The following CADM1 variants were observed in gnomAD, a reference collection of about 807,000 sequenced individuals.
CADM1 encodes cell adhesion molecule 1, also known as TSLC-1.
Under a neutral mutation model 53.1 loss-of-function variants are expected in CADM1, and 15 were observed. That is an observed-to-expected ratio of 0.28 (90% CI 0.19 to 0.44). The LOEUF (loss-of-function observed/expected upper bound fraction) is 0.44. CADM1 is among the 20% of genes least tolerant of loss of function. The probability of loss-of-function intolerance (pLI) is 1.00; values close to 1 mark genes in which losing one functional copy is unlikely to be tolerated. For missense variants in CADM1, 434 were observed against 611.3 expected, an observed-to-expected ratio of 0.71 and a Z score of 3.06; for synonymous variants, 281 against 243.0, an observed-to-expected ratio of 1.16 and a Z score of -1.45.
At chr11:115,362,323 A>G (rs1946050409) in intron 1 of CADM1, among the ~76,000 whole-genome samples, 1 of 152,190 alleles carries the variant, frequency 6.6e-6, no homozygotes, top group African/African-American at 2.4e-5. Context: ...AGTTAACCAG[A>G]TTGGCCATTT....
chr11:115,274,639 T>C (rs1943394139), intron 1 of CADM1, among the ~76,000 whole-genome samples: 3 of 152,218 alleles, frequency 2.0e-5, no homozygotes, highest in Admixed American at 2.0e-4. Flanking sequence ...AAATAATCAC[T>C]AGCTCTTGAA....
At chr11:115,486,234 A>T (rs936394247) in intron 1 of CADM1, among the ~76,000 whole-genome samples, 2 of 152,242 alleles carry the variant, frequency 1.3e-5, no homozygotes, top group Non-Finnish European at 2.9e-5. Context: ...TGTAGGACTC[A>T]TGAACCTCTC....
At chr11:115,361,218 A>T (rs1946021248) in intron 1 of CADM1, among the ~76,000 whole-genome samples, 2 of 152,170 alleles carry the variant, frequency 1.3e-5, no homozygotes, top group Admixed American at 1.3e-4. Context: ...TGTCTGTGAA[A>T]TCTCATTAGC....
chr11:115,317,098 C>T (rs1323257070), intron 1 of CADM1, among the ~76,000 whole-genome samples: 1 of 152,174 alleles, frequency 6.6e-6, no homozygotes, highest in Non-Finnish European at 1.5e-5. Context: ...AACGGCTCCT[C>T]AACCTTCAAT....
At chr11:115,206,488 C>T (rs1178699892) in intron 8 of CADM1, among the ~76,000 whole-genome samples, 1 of 152,162 alleles carries the variant, frequency 6.6e-6, no homozygotes, top group African/African-American at 2.4e-5. Context: ...GAAGCTTTAA[C>T]ATGTTTCAAG....
intron 1 of CADM1, among the ~76,000 whole-genome samples, chr11:115,265,917 G>A (rs1943120510): frequency 6.6e-6 from 1 of 152,152 alleles, no homozygotes; most frequent in African/African-American, 2.4e-5. Context: ...AGTCCCCAGT[G>A]GTCATTCCTG....
intron 1 of CADM1, among the ~76,000 whole-genome samples, chr11:115,454,060 T>TAAAAC (rs528911744): frequency 6.8e-6 from 1 of 146,780 alleles, no homozygotes; most frequent in Non-Finnish European, 1.5e-5. Flanking sequence ...AAAAAAAAAA[T>TAAAAC]AAAACAAAAC....
rs182911154 is a variant in CADM1, at chr11:115,401,323, G to C, written c.124+102948C>G. On this transcript the variant is annotated intron_variant, in intron 1 of 11. Coordinates refer to ENST00000331581, the MANE Select transcript of CADM1 (RefSeq NM_001301043.2). ...CTACAGAGACAGTAAAAAGATCAGG[G>C]GTTGGCCAGGCGCGGTGGCCCACGC... Among the ~76,000 whole-genome samples the C allele has an allele frequency of 5.9e-5, 9 of 152,272 alleles. No homozygotes were observed. The East Asian group carries it at 1.7e-3, about 29-fold the overall frequency.
intron 1 of CADM1, among the ~76,000 whole-genome samples, chr11:115,503,364 C>T (rs1434687779): frequency 6.6e-6 from 1 of 152,226 alleles, no homozygotes; most frequent in African/African-American, 2.4e-5. Flanking sequence ...CAAGACTGCT[C>T]TTCACGCAGG....
chr11:115,198,510 G>A, intron 8 of CADM1, 72 bp from the exon 9 acceptor site: 1 of 1,141,768 alleles, frequency 8.8e-7, no homozygotes, highest in South Asian at 1.3e-5. Flanking sequence ...AGGGAAAATG[G>A]AAAAAAAATG....
At chr11:115,197,909 C>G (rs78421724) in intron 9 of CADM1, among the ~76,000 whole-genome samples, 1 of 152,132 alleles carries the variant, frequency 6.6e-6, no homozygotes, top group Non-Finnish European at 1.5e-5. Flanking sequence ...AGAACAATGA[C>G]CTTCCTCATC....
intron 1 of CADM1, among the ~76,000 whole-genome samples, chr11:115,451,463 C>T (rs1039662159): frequency 6.6e-6 from 1 of 152,170 alleles, no homozygotes; most frequent in African/African-American, 2.4e-5. Context: ...TTGCTGAGGG[C>T]TCACAAAGTA....
intron 7 of CADM1, among the ~76,000 whole-genome samples, chr11:115,211,694 T>C (rs1940973543): frequency 6.6e-6 from 1 of 151,496 alleles, no homozygotes; most frequent in Admixed American, 6.6e-5. Flanking sequence ...TTTCACCATA[T>C]TGGCCAGGCT....
intron 1 of CADM1, among the ~76,000 whole-genome samples, chr11:115,373,636 A>G (rs963553050): frequency 6.6e-6 from 1 of 151,226 alleles, no homozygotes; most frequent in Non-Finnish European, 1.5e-5. Context: ...AAGAATGTGG[A>G]CAATCAACAA....
intron 1 of CADM1, among the ~76,000 whole-genome samples, chr11:115,259,751 T>C (rs974105761): frequency 3.9e-5 from 6 of 152,160 alleles, no homozygotes; most frequent in Non-Finnish European, 8.8e-5. Flanking sequence ...CTCCAAACAC[T>C]GTCCAAGCAG....
chr11:115,177,941 TGA>T (rs1443422030), intron 11 of CADM1, among the ~76,000 whole-genome samples: 5 of 151,750 alleles, frequency 3.3e-5, no homozygotes, highest in African/African-American at 9.7e-5. Flanking sequence ...GAAAAATAAC[TGA>T]GAGAGACAGG....
At chr11:115,454,009 G>A (rs1184891484) in intron 1 of CADM1, among the ~76,000 whole-genome samples, 1 of 150,094 alleles carries the variant, frequency 6.7e-6, no homozygotes, top group Non-Finnish European at 1.5e-5. Context: ...AGAGATGAAA[G>A]AGAAGTTCAT....
chr11:115,404,920 G>A (rs1000419084), intron 1 of CADM1, among the ~76,000 whole-genome samples: 1 of 151,268 alleles, frequency 6.6e-6, no homozygotes, highest in Non-Finnish European at 1.5e-5. Context: ...TTAGGAAACT[G>A]AGAGAAGAGA....
intron 1 of CADM1, among the ~76,000 whole-genome samples, chr11:115,248,597 A>C (rs1411958986): frequency 6.6e-6 from 1 of 152,216 alleles, no homozygotes; most frequent in Non-Finnish European, 1.5e-5. Context: ...AGATAATAAT[A>C]ATCATTGAAT....
Sources: allele counts gnomAD v4.1 joint callset (sites outside exome capture counted in the v4.1 genomes callset), GRCh38; gene constraint gnomAD v4.1.1; transcripts MANE v1.5; gene names NCBI Gene and HGNC (gene_info 2026-07-23, HGNC 2026-07-21).